Variants in LRRC4C observed in about 807,000 individuals in gnomAD.
LRRC4C encodes the protein leucine-rich repeat-containing protein 4C.
Under a neutral mutation model 33.6 loss-of-function variants are expected in LRRC4C, and 5 were observed. The ratio of observed to expected loss-of-function variants is 0.15; its 90% CI spans 0.08 to 0.31. LRRC4C has a LOEUF of 0.31. LRRC4C is among the 10% of genes least tolerant of loss of function. The pLI is 1.00. For synonymous variants in LRRC4C, 329 were observed against 302.0 expected (o/e 1.09, Z -0.93); for missense variants, 560 against 796.7 (o/e 0.70, Z 3.58).
At chr11:40,709,092 G>A (rs549050712) in intron 2 of LRRC4C, among the ~76,000 whole-genome samples, 1 of 152,076 alleles carries the variant, frequency 6.6e-6, no homozygotes, top group African/African-American at 2.4e-5. Flanking sequence ...TTGAGCCTAT[G>A]TGTGTCTCTG....
At chr11:40,600,426 C>T (rs1050396928) in intron 3 of LRRC4C, among the ~76,000 whole-genome samples, 2 of 152,188 alleles carry the variant, frequency 1.3e-5, no homozygotes, top group African/African-American at 4.8e-5. Context: ...ACTCCAAGCC[C>T]ACACTCAAAA....
chr11:40,371,695 G>A (rs1948456235), intron 3 of LRRC4C, among the ~76,000 whole-genome samples: 1 of 152,140 alleles, frequency 6.6e-6, no homozygotes, highest in African/African-American at 2.4e-5. Flanking sequence ...CAAAGCCTAT[G>A]GTTTGATGGC....
chr11:40,948,320 C>T (rs1371480282), intron 1 of LRRC4C, among the ~76,000 whole-genome samples: 1 of 152,116 alleles, frequency 6.6e-6, no homozygotes, highest in African/African-American at 2.4e-5. Context: ...CTAATTATTT[C>T]TGTAAGAGGA....
intron 1 of LRRC4C, among the ~76,000 whole-genome samples, chr11:41,349,474 A>C (rs1951904787): frequency 6.6e-6 from 1 of 152,024 alleles, no homozygotes; most frequent in Non-Finnish European, 1.5e-5. Flanking sequence ...AAACAAAACA[A>C]AACAAAAAAA....
chr11:41,388,769 A>G (rs1382307064), intron 1 of LRRC4C, among the ~76,000 whole-genome samples: 1 of 151,916 alleles, frequency 6.6e-6, no homozygotes, highest in Non-Finnish European at 1.5e-5. Flanking sequence ...ACCAAAAGAC[A>G]GGAAGAGGGT....
At chr11:40,647,475 T>C (rs1221375549) in intron 3 of LRRC4C, among the ~76,000 whole-genome samples, 1 of 152,180 alleles carries the variant, frequency 6.6e-6, no homozygotes. Flanking sequence ...GTATAACAAT[T>C]ATTAACTACA....
intron 2 of LRRC4C, among the ~76,000 whole-genome samples, chr11:40,788,663 C>A (rs545544334): frequency 6.6e-6 from 1 of 152,252 alleles, no homozygotes; most frequent in South Asian, 2.1e-4. Flanking sequence ...TCAGTGGTAG[C>A]TGCTCTAACA....
chr11:40,517,287 C>G (rs1396127035), intron 3 of LRRC4C, among the ~76,000 whole-genome samples: 1 of 151,958 alleles, frequency 6.6e-6, no homozygotes, highest in Non-Finnish European at 1.5e-5. Flanking sequence ...CACAGTGAAA[C>G]AAAAAGAGGT....
At chr11:40,668,418 A>G (rs1943926537) in intron 2 of LRRC4C, among the ~76,000 whole-genome samples, 2 of 152,170 alleles carry the variant, frequency 1.3e-5, no homozygotes, top group Admixed American at 1.3e-4. Flanking sequence ...CACACACATA[A>G]AAAATGCAAA....
chr11:40,135,059 A>G (rs570212647), intron 6 of LRRC4C, among the ~76,000 whole-genome samples: 161 of 152,350 alleles, frequency 1.1e-3, no homozygotes, highest in Middle Eastern at 3.4e-3. Context: ...GATAGCAGGG[A>G]TGGCCTCCTA....
intron 1 of LRRC4C, among the ~76,000 whole-genome samples, chr11:41,248,618 A>C (rs1281768791): frequency 6.6e-6 from 1 of 152,174 alleles, no homozygotes; most frequent in Non-Finnish European, 1.5e-5. Context: ...AACCACCCAC[A>C]GATCTATAAT....
At chr11:41,392,974 A>G (rs1953664000) in intron 1 of LRRC4C, among the ~76,000 whole-genome samples, 1 of 151,884 alleles carries the variant, frequency 6.6e-6, no homozygotes. Context: ...GGCATAAAGC[A>G]TTATGACAAT....
intron 1 of LRRC4C, among the ~76,000 whole-genome samples, chr11:41,146,972 C>A (rs192471215): frequency 4.9e-4 from 75 of 152,282 alleles, no homozygotes; most frequent in Admixed American, 1.9e-3. Context: ...ATGATTCTAT[C>A]CAAACTCTTA....
intron 3 of LRRC4C, among the ~76,000 whole-genome samples, chr11:40,342,435 C>CTCCA (rs1341521145): frequency 1.3e-5 from 2 of 152,136 alleles, no homozygotes; most frequent in African/African-American, 2.4e-5. Flanking sequence ...CACCACTGCA[C>CTCCA]TCCAGCCTGG....
intron 6 of LRRC4C, among the ~76,000 whole-genome samples, chr11:40,117,137 A>G (rs1250436550): frequency 6.6e-6 from 1 of 152,256 alleles, no homozygotes; most frequent in Admixed American, 6.5e-5. Flanking sequence ...GATGCTCATT[A>G]GACTGATCCC....
intron 1 of LRRC4C, among the ~76,000 whole-genome samples, chr11:41,295,592 A>T (rs1473136230): frequency 6.8e-6 from 1 of 147,424 alleles, no homozygotes; most frequent in Non-Finnish European, 1.5e-5. Flanking sequence ...CGTTCAGGGC[A>T]ACAAACATTT....
intron 2 of LRRC4C, among the ~76,000 whole-genome samples, chr11:40,794,584 G>C (rs1218808240): frequency 6.6e-6 from 1 of 152,106 alleles, no homozygotes; most frequent in African/African-American, 2.4e-5. Context: ...CGCTGTTTCC[G>C]TCTGTTGAAC....
intron 1 of LRRC4C, among the ~76,000 whole-genome samples, chr11:41,351,505 T>C (rs1951983888): frequency 6.6e-6 from 1 of 152,004 alleles, no homozygotes; most frequent in South Asian, 2.1e-4. Context: ...CCCTGTGTGG[T>C]AGTATGCAAG....
intron 2 of LRRC4C, among the ~76,000 whole-genome samples, chr11:40,842,429 A>T (rs1285428630): frequency 6.6e-6 from 1 of 152,216 alleles, no homozygotes; most frequent in South Asian, 2.1e-4. Flanking sequence ...ATTGACAAAT[A>T]ATAATTGCAT....
Sources: gnomAD v4.1 joint callset for allele counts (sites outside exome capture counted in the v4.1 genomes callset) on GRCh38, gnomAD v4.1.1 for gene constraint, MANE v1.5 for transcripts, NCBI Gene and HGNC (gene_info 2026-07-23, HGNC 2026-07-21) for gene names.